SPATA13: variants seen among roughly 807,000 people sequenced by gnomAD.
The protein encoded by SPATA13 is spermatogenesis associated 13.
SPATA13 carries 50 observed loss-of-function variants against 104.0 expected under a neutral mutation model. That is an observed-to-expected ratio of 0.48 (90% confidence interval 0.38 to 0.61). The LOEUF (loss-of-function observed/expected upper bound fraction) is 0.61. SPATA13 is among the 20% of genes least tolerant of loss of function. The pLI is 0.00. For missense variants in SPATA13, 1,524 were observed against 1,690.6 expected (o/e 0.90, Z 1.73); for synonymous variants, 606 against 667.5 (o/e 0.91, Z 1.42).
chr13:24,260,519 TA>T (rs1874008466), intron 4 of SPATA13, among the ~76,000 whole-genome samples: 1 of 152,160 alleles, frequency 6.6e-6, no homozygotes, highest in African/African-American at 2.4e-5. Context: ...ATTATGATGA[TA>T]TGGAACTGAT....
At chr13:24,009,042 C>T (rs1876353004) in intron 2 of SPATA13, among the ~76,000 whole-genome samples, 1 of 152,194 alleles carries the variant, frequency 6.6e-6, no homozygotes, top group African/African-American at 2.4e-5. Context: ...GCATGCCATC[C>T]ATCACGTGGG....
chr13:24,145,182 GA>G (rs1284140493), intron 3 of SPATA13, among the ~76,000 whole-genome samples: 1 of 152,206 alleles, frequency 6.6e-6, no homozygotes, highest in Non-Finnish European at 1.5e-5. Flanking sequence ...GAGACAGTGT[GA>G]AAGGCACTTG....
intron 10 of SPATA13, 138 bp from the exon 11 acceptor site, chr13:24,297,225 A>G: frequency 1.0e-6 from 1 of 985,452 alleles, no homozygotes; most frequent in Non-Finnish European, 1.5e-6. Flanking sequence ...TTTTATGTGG[A>G]GATGGGGTCT....
chr13:24,302,214 G>A (rs1026130160), intron 12 of SPATA13, among the ~76,000 whole-genome samples: 16 of 152,090 alleles, frequency 1.1e-4, no homozygotes, highest in Admixed American at 9.2e-4. Flanking sequence ...ACTGTGTCAC[G>A]CTCCACACGG....
At chr13:24,142,733 C>T (rs565711852) in intron 3 of SPATA13, among the ~76,000 whole-genome samples, 2 of 152,136 alleles carry the variant, frequency 1.3e-5, no homozygotes, top group South Asian at 2.1e-4. Flanking sequence ...TCCTTTTTCT[C>T]CTTCTCCTTC....
intron 1 of SPATA13, among the ~76,000 whole-genome samples, chr13:24,215,987 A>G (rs1201811504): frequency 6.6e-6 from 1 of 152,202 alleles, no homozygotes; most frequent in Non-Finnish European, 1.5e-5. Context: ...GTTTACCACC[A>G]GAAAGGTGGT....
intron 1 of SPATA13, among the ~76,000 whole-genome samples, chr13:24,203,653 T>C (rs1870544653): frequency 6.6e-6 from 1 of 152,170 alleles, no homozygotes. Flanking sequence ...TTTCTGGGGC[T>C]TAAATTTCAC....
rs1263397976 is a variant in SPATA13, at chr13:24,250,662, G to A, written c.2019+820G>A. 5.3e-5 allele frequency among the ~76,000 whole-genome samples: 8 copies of A among 152,166 alleles called. 1 individual carries two copies. Among genetic ancestry groups the A allele is most frequent in the Non-Finnish European group, 1.5e-5 (1 of 68,034 alleles). ...TATACGTCTACATTTTTCCTGTAAAGCCCCACACAATGCCTTGTCTATAAC... is the reference window on the plus strand; with the variant it reads ...TATACGTCTACATTTTTCCTGTAAAACCCCACACAATGCCTTGTCTATAAC... On this transcript the variant is annotated intron_variant, in intron 3 of 12. Coordinates refer to ENST00000382108, the MANE Select transcript of SPATA13 (RefSeq NM_001166271.3).
chr13:23,995,638 A>T (rs1477305094), intron 2 of SPATA13, among the ~76,000 whole-genome samples: 6 of 152,208 alleles, frequency 3.9e-5, no homozygotes, highest in Admixed American at 3.9e-4. Context: ...ATCTATAATC[A>T]AATCTAATTT....
At chr13:23,980,379 G>A (rs898549078) in intron 1 of SPATA13, among the ~76,000 whole-genome samples, 1 of 152,184 alleles carries the variant, frequency 6.6e-6, no homozygotes, top group Non-Finnish European at 1.5e-5. Context: ...GAAATCTCCC[G>A]GTGCTCAGCG....
chr13:24,028,431 G>A (rs544707769), intron 3 of SPATA13, among the ~76,000 whole-genome samples: 2 of 152,278 alleles, frequency 1.3e-5, no homozygotes, highest in South Asian at 4.1e-4. Context: ...GTTTCTCCTA[G>A]TACTTTACAG....
rs890798813 is a variant in SPATA13 at position 24,037,601 on chromosome 13, A to G, written c.-112+19900A>G. On this transcript the variant is annotated intron_variant, in intron 3 of 14. Coordinates refer to the SPATA13 transcript ENST00000424834. ...ATTTTTGTATTTTTAGTAGAGATGG[A>G]GTTTCACCATGTTGGCCACGGTGGT... Among the ~76,000 whole-genome samples, 7 of 151,698 alleles carry G rather than the reference A, an allele frequency of 4.6e-5. No individual in the cohort carries two copies. In the East Asian group the frequency reaches 5.9e-4, roughly 13 times the overall value.
intron 4 of SPATA13, chr13:24,278,763 C>T (rs1275642495): frequency 1.9e-6 from 3 of 1,596,914 alleles, no homozygotes; most frequent in Non-Finnish European, 2.6e-6. Context: ...ACCAAGGACT[C>T]ATACTCAAAA....
chr13:24,123,038 T>A (rs1243216344), intron 3 of SPATA13: 5 of 946,868 alleles, frequency 5.3e-6, no homozygotes, highest in Non-Finnish European at 8.7e-6. Context: ...CTTGGTTAAA[T>A]GTCATTGCCA....
intron 2 of SPATA13, among the ~76,000 whole-genome samples, chr13:23,987,681 G>T (rs369365157): frequency 7.2e-5 from 11 of 152,266 alleles, no homozygotes; most frequent in African/African-American, 2.6e-4. Context: ...CAGTTCAGCG[G>T]CATTCAGCAC....
At chr13:24,262,278 T>A (rs1874093598) in intron 4 of SPATA13, among the ~76,000 whole-genome samples, 1 of 151,888 alleles carries the variant, frequency 6.6e-6, no homozygotes, top group Non-Finnish European at 1.5e-5. Context: ...TCTTTGTATT[T>A]TTTTTGTTTG....
chr13:24,112,523 A>G (rs1880677275), intron 3 of SPATA13, among the ~76,000 whole-genome samples: 1 of 151,742 alleles, frequency 6.6e-6, no homozygotes, highest in South Asian at 2.1e-4. Context: ...GATGCAATCC[A>G]TTTTTGCATC....
intron 3 of SPATA13, among the ~76,000 whole-genome samples, chr13:24,086,450 G>A (rs11619283): frequency 6.6e-6 from 1 of 152,136 alleles, no homozygotes; most frequent in Non-Finnish European, 1.5e-5. Context: ...GCTGCTCATA[G>A]GGAAACGTGG....
At chr13:23,981,268 T>C (rs994817285) in intron 1 of SPATA13, among the ~76,000 whole-genome samples, 4 of 145,922 alleles carry the variant, frequency 2.7e-5, no homozygotes, top group African/African-American at 1.0e-4. Context: ...CCATATACCA[T>C]AGGAAAAAAA....
Sources: allele counts gnomAD v4.1 joint callset (sites outside exome capture counted in the v4.1 genomes callset), GRCh38; gene constraint gnomAD v4.1.1; transcripts MANE v1.5; gene names NCBI Gene and HGNC (gene_info 2026-07-23, HGNC 2026-07-21).